OR1K1: variants seen among roughly 807,000 people sequenced by gnomAD.
OR1K1 encodes olfactory receptor 1K1.
For synonymous variants in OR1K1, 168 were observed against 178.2 expected, an observed-to-expected ratio of 0.94 and a Z score of 0.46; for missense variants, 409 against 407.9, an observed-to-expected ratio of 1.00 and a Z score of -0.02.
At position 122,800,945 on chromosome 9, in the gene OR1K1, G is replaced by C. The variant is rs756762365; in HGVS notation, c.823G>C (p.Ala275Pro). 9.3e-6 allele frequency: 15 copies of C among 1,614,052 alleles called. No individual in the cohort carries two copies. In the African/African-American group the frequency reaches 2.0e-4, roughly 22 times the overall value. ...SRREAEWGRV[A>P]TVMYTVVTPM... ...ACGCGAGGCAGAGTGGGGCCGTGTG[G>C]CCACTGTCATGTACACTGTAGTCAC... is the stretch of plus-strand genomic sequence containing the variant. The change falls in exon 1 of 1, where the codon GCC becomes CCC. Residue 275 changes from alanine to proline, a missense_variant. Transcript: ENST00000277309.
In OR1K1 at chr9:122,800,834, G is replaced by C. The variant is rs750534786; in HGVS notation, c.712G>C (p.Ala238Pro). 1 of 1,613,666 alleles carries C rather than the reference G, an allele frequency of 6.2e-7. No homozygotes were observed. The highest frequency in any genetic ancestry group is 1.3e-5 in the African/African-American group (1 of 75,048). ...QLPSASGRLR[A>P]VSTCGSHLAV... ...GCCCTCAGCCTCTGGGAGGCTCCGG[G>C]CTGTGTCCACCTGTGGCTCCCACCT... Residue 238 changes from alanine to proline, a missense_variant, in exon 1 of 1, where the codon GCT becomes CCT. By Grantham distance (27) the Ala-to-Pro change is conservative (BLOSUM62 -1). Transcript: ENST00000277309.
chr9:122,800,828 C>G lies in OR1K1; in HGVS notation c.706C>G (p.Leu236Val), dbSNP rs200021141. The change falls in exon 1 of 1, where the codon CTC becomes GTC. Residue 236 changes from leucine (L) to valine (V), a missense_variant. Transcript: ENST00000277309. Reference protein sequence around the residue: ...VLQLPSASGRLRAVSTCGSHL... With the variant: ...VLQLPSASGRVRAVSTCGSHL... ...CCAGCTGCCCTCAGCCTCTGGGAGG[C>G]TCCGGGCTGTGTCCACCTGTGGCTC... 221 of 1,613,724 alleles carry G rather than the reference C, an allele frequency of 1.4e-4. No individual in the cohort carries two copies. The highest frequency in any genetic ancestry group is 3.5e-4 in the Admixed American group (21 of 60,026).
chr9:122,800,921 C>T lies in OR1K1; in HGVS notation c.799C>T (p.Arg267Cys), dbSNP rs372142414. Residue 267 changes from arginine to cysteine, a missense_variant, in exon 1 of 1, where the codon CGC becomes TGC. Physicochemically the swap from Arg to Cys is radical, Grantham distance 180 (BLOSUM62 -3). Coordinates refer to ENST00000277309, the MANE Select transcript of OR1K1 (RefSeq NM_080859.1). ...IAVYFQATSR[R>C]EAEWGRVATV... The stretch of plus-strand genomic sequence containing the variant: ...AGTCTACTTCCAGGCCACATCCCGA[C>T]GCGAGGCAGAGTGGGGCCGTGTGGC... 4.6e-5 allele frequency: 75 copies of T among 1,614,046 alleles called. 1 individual carries two copies. Among genetic ancestry groups the T allele is most frequent in the South Asian group, 3.1e-4 (28 of 91,092 alleles).
rs1301423501 is a variant in OR1K1, at chr9:122,800,251, T to C, written c.129T>C (p.Asn43=). ...LLLYVASLLG[N]GLIVAAIQAS... ...TGTATGTGGCCAGCCTCCTGGGTAA[T>C]GGACTCATTGTGGCTGCCATCCAGG... The change falls in exon 1 of 1, where the codon AAT becomes AAC. Residue 43 remains asparagine (N), a synonymous_variant. Transcript: ENST00000277309. The C allele has an allele frequency of 2.5e-6, 4 of 1,614,192 alleles. No homozygotes were observed. The highest frequency in any genetic ancestry group is 2.7e-5 in the African/African-American group (2 of 75,034).
Position 122,800,137 on chromosome 9 carries a change from T to C in OR1K1, c.15T>C (p.Asn5=). 1 of 1,606,552 alleles carries C rather than the reference T, an allele frequency of 6.2e-7. No homozygotes were observed. Residue 5 remains asparagine, a synonymous_variant, in exon 1 of 1, where the codon AAT becomes AAC. Coordinates refer to ENST00000277309, the MANE Select transcript of OR1K1 (RefSeq NM_080859.1). ...ACCAGCCTGCCATGGAGGCTGCCAA[T>C]GAGTCTTCAGAGGGAATCTCATTCG... MEAA[N]ESSEGISFVL...
chr9:122,800,211 T>A lies in OR1K1; in HGVS notation c.89T>A (p.Val30Glu). ...TSPGQQRPLFVLFLLLYVASL... is the reference protein window; with the variant it reads ...TSPGQQRPLFELFLLLYVASL... The stretch of plus-strand genomic sequence containing the variant: ...CCTGGACAGCAGCGGCCTCTCTTTG[T>A]GCTGTTCTTGCTCTTGTATGTGGCC... Residue 30 changes from valine to glutamate, a missense_variant, in exon 1 of 1, where the codon GTG becomes GAG. By Grantham distance (121) the Val-to-Glu change is moderately radical. Coordinates refer to ENST00000277309, the MANE Select transcript of OR1K1 (RefSeq NM_080859.1). The A allele has an allele frequency of 6.2e-7, 1 of 1,614,214 alleles. No individual in the cohort carries two copies. The highest frequency in any genetic ancestry group is 8.5e-7 in the Non-Finnish European group (1 of 1,180,028).
Position 122,800,831 on chromosome 9 carries a change from C to T in OR1K1, c.709C>T (p.Arg237Trp), listed in dbSNP as rs147003720. 3.5e-4 allele frequency: 562 copies of T among 1,613,628 alleles called. 1 individual carries two copies. Among genetic ancestry groups the T allele is most frequent in the East Asian group, 1.4e-3 (65 of 44,876 alleles). ...LQLPSASGRL[R>W]AVSTCGSHLA... ...GCTGCCCTCAGCCTCTGGGAGGCTCCGGGCTGTGTCCACCTGTGGCTCCCA... is the reference window on the plus strand; with the variant it reads ...GCTGCCCTCAGCCTCTGGGAGGCTCTGGGCTGTGTCCACCTGTGGCTCCCA... The change falls in exon 1 of 1, where the codon CGG becomes TGG. Residue 237 changes from arginine to tryptophan, a missense_variant. Transcript: ENST00000277309.
chr9:122,800,970 C>A lies in OR1K1; in HGVS notation c.848C>A (p.Thr283Asn), dbSNP rs770156254. The A allele has an allele frequency of 1.9e-6, 3 of 1,614,096 alleles. No homozygotes were observed. Among genetic ancestry groups the A allele is most frequent in the South Asian group, 1.1e-5 (1 of 91,080 alleles). The change falls in exon 1 of 1, where the codon ACC becomes AAC. Residue 283 changes from threonine (T) to asparagine (N), a missense_variant. Transcript: ENST00000277309. ...GCCACTGTCATGTACACTGTAGTCA[C>A]CCCCATGCTGAACCCCATCATCTAC... ...RVATVMYTVVTPMLNPIIYSL... is the reference protein window; with the variant it reads ...RVATVMYTVVNPMLNPIIYSL...
chr9:122,800,127 A>G lies in OR1K1; in HGVS notation c.5A>G (p.Glu2Gly), dbSNP rs536803606. 3.1e-6 allele frequency: 5 copies of G among 1,596,706 alleles called. No homozygotes were observed. The African/African-American group carries it at 6.7e-5, about 21-fold the overall frequency. ...CAGGCGAATAACCAGCCTGCCATGG[A>G]GGCTGCCAATGAGTCTTCAGAGGGA... M[E>G]AANESSEGIS... Residue 2 changes from glutamate to glycine, a missense_variant, in exon 1 of 1, where the codon GAG (glutamate) becomes GGG (glycine). Coordinates refer to ENST00000277309, the MANE Select transcript of OR1K1 (RefSeq NM_080859.1).
chr9:122,800,193 A>C lies in OR1K1; in HGVS notation c.71A>C (p.Gln24Pro). 1 of 1,614,186 alleles carries C rather than the reference A, an allele frequency of 6.2e-7. No individual in the cohort carries two copies. Among genetic ancestry groups the C allele is most frequent in the Non-Finnish European group, 8.5e-7 (1 of 1,180,016 alleles). ...TTGGGACTGACAACAAGTCCTGGACAGCAGCGGCCTCTCTTTGTGCTGTTC... is the reference window on the plus strand; with the variant it reads ...TTGGGACTGACAACAAGTCCTGGACCGCAGCGGCCTCTCTTTGTGCTGTTC... Reference protein sequence around the residue: ...VLLGLTTSPGQQRPLFVLFLL... With the variant: ...VLLGLTTSPGPQRPLFVLFLL... Residue 24 changes from glutamine (Q) to proline (P), a missense_variant, in exon 1 of 1, where the codon CAG becomes CCG. Transcript: ENST00000277309.
chr9:122,800,673 C>G lies in OR1K1; in HGVS notation c.551C>G (p.Pro184Arg), dbSNP rs1359428649. The change falls in exon 1 of 1, where the codon CCT (proline) becomes CGT (arginine). Residue 184 changes from proline to arginine, a missense_variant. Physicochemically the swap from Pro to Arg is moderately radical, Grantham distance 103. Coordinates refer to ENST00000277309, the MANE Select transcript of OR1K1 (RefSeq NM_080859.1). ...QVPHFFCDHQ[P>R]LLRLSCSDTH... ...CCCCACTTCTTCTGTGACCACCAGCCTCTCTTAAGGCTCTCGTGCTCTGAC... is the reference window on the plus strand; with the variant it reads ...CCCCACTTCTTCTGTGACCACCAGCGTCTCTTAAGGCTCTCGTGCTCTGAC... The G allele has an allele frequency of 1.2e-6, 2 of 1,614,164 alleles. No homozygotes were observed. Among genetic ancestry groups the G allele is most frequent in the East Asian group, 2.2e-5 (1 of 44,876 alleles).
rs753500527 is a variant in OR1K1, at chr9:122,801,013, T to C, written c.891T>C (p.Asp297=). The change falls in exon 1 of 1, where the codon GAT becomes GAC. Residue 297 remains aspartate (D), a synonymous_variant. Transcript: ENST00000277309. The stretch of plus-strand genomic sequence containing the variant: ...TCATCTACAGCCTCTGGAATCGCGA[T>C]GTACAGGGGGCACTCCGAGCCCTTC... ...NPIIYSLWNR[D]VQGALRALLI... 1.9e-6 allele frequency: 3 copies of C among 1,613,840 alleles called. No homozygotes were observed. The highest frequency in any genetic ancestry group is 2.2e-5 in the East Asian group (1 of 44,892).
chr9:122,800,309 C>G lies in OR1K1; in HGVS notation c.187C>G (p.Leu63Val). The G allele has an allele frequency of 6.2e-7, 1 of 1,614,226 alleles. No homozygotes were observed. Among genetic ancestry groups the G allele is most frequent in the Non-Finnish European group, 8.5e-7 (1 of 1,180,024 alleles). The change falls in exon 1 of 1, where the codon CTG becomes GTG. Residue 63 changes from leucine to valine, a missense_variant. Transcript: ENST00000277309. ...SPALHAPMYF[L>V]LAHLSFADLC... The stretch of plus-strand genomic sequence containing the variant: ...AGCCCTTCATGCACCCATGTACTTC[C>G]TGCTGGCCCACCTGTCCTTTGCTGA...
At position 122,800,384 on chromosome 9, in the gene OR1K1, G is replaced by T. The variant is rs149288588; in HGVS notation, c.262G>T (p.Ala88Ser). ...TVPKMLANLL[A>S]HDHSISLAGC... ...GCCCAAGATGTTGGCCAACTTGTTGGCCCATGACCACTCCATCTCGCTGGC... is the reference window on the plus strand; with the variant it reads ...GCCCAAGATGTTGGCCAACTTGTTGTCCCATGACCACTCCATCTCGCTGGC... The change falls in exon 1 of 1, where the codon GCC becomes TCC. Residue 88 changes from alanine (A) to serine (S), a missense_variant. Transcript: ENST00000277309. 8.3e-4 allele frequency: 1,346 copies of T among 1,614,012 alleles called. 1 individual carries two copies. The highest frequency in any genetic ancestry group is 1.0e-3 in the Non-Finnish European group (1,201 of 1,180,036).
rs150392492 is a variant in OR1K1, at chr9:122,800,939, C to T, written c.817C>T (p.Arg273Cys). 88 of 1,614,176 alleles carry T rather than the reference C, an allele frequency of 5.5e-5. No individual in the cohort carries two copies. In the African/African-American group the frequency reaches 9.6e-4, roughly 18 times the overall value. The change falls in exon 1 of 1, where the codon CGT (arginine) becomes TGT (cysteine). Residue 273 changes from arginine (R) to cysteine (C), a missense_variant. Transcript: ENST00000277309. ...ATCCCGACGCGAGGCAGAGTGGGGC[C>T]GTGTGGCCACTGTCATGTACACTGT... ...ATSRREAEWG[R>C]VATVMYTVVT...
chr9:122,800,536 C>T lies in OR1K1; in HGVS notation c.414C>T (p.Ser138=). ...RHPLPYATRM[S]RAMCAALVGM... ...CCCTCCCCTATGCCACGAGGATGTC[C>T]CGGGCCATGTGCGCAGCCCTGGTGG... Residue 138 remains serine (S), a synonymous_variant, in exon 1 of 1, where the codon TCC becomes TCT. Coordinates refer to ENST00000277309, the MANE Select transcript of OR1K1 (RefSeq NM_080859.1). The T allele has an allele frequency of 1.2e-6, 2 of 1,612,718 alleles. No homozygotes were observed. Among genetic ancestry groups the T allele is most frequent in the Non-Finnish European group, 8.5e-7 (1 of 1,179,974 alleles).
Position 122,800,652 on chromosome 9 carries a change from A to G in OR1K1, c.530A>G (p.His177Arg). ...LSFCASHQVP[H>R]FFCDHQPLLR... Reference sequence around the variant, plus strand: ...TTCTGTGCTTCCCACCAAGTGCCCCACTTCTTCTGTGACCACCAGCCTCTC... The same window carrying G: ...TTCTGTGCTTCCCACCAAGTGCCCCGCTTCTTCTGTGACCACCAGCCTCTC... The change falls in exon 1 of 1, where the codon CAC becomes CGC. Residue 177 changes from histidine (H) to arginine (R), a missense_variant. Coordinates refer to ENST00000277309, the MANE Select transcript of OR1K1 (RefSeq NM_080859.1). 3 of 1,613,544 alleles carry G rather than the reference A, an allele frequency of 1.9e-6. No individual in the cohort carries two copies. In the South Asian group the frequency reaches 3.3e-5, roughly 18 times the overall value.
chr9:122,800,154 T>C lies in OR1K1; in HGVS notation c.32T>C (p.Ile11Thr). The C allele has an allele frequency of 6.2e-7, 1 of 1,612,404 alleles. No individual in the cohort carries two copies. Among genetic ancestry groups the C allele is most frequent in the Non-Finnish European group, 8.5e-7 (1 of 1,178,960 alleles). The change falls in exon 1 of 1, where the codon ATC becomes ACC. Residue 11 changes from isoleucine (I) to threonine (T), a missense_variant. Physicochemically the swap from Ile to Thr is moderately conservative, Grantham distance 89. Transcript: ENST00000277309. ...GCTGCCAATGAGTCTTCAGAGGGAA[T>C]CTCATTCGTTTTATTGGGACTGACA... is the stretch of plus-strand genomic sequence containing the variant. MEAANESSEG[I>T]SFVLLGLTTS...
rs1480531307 is a variant in OR1K1 at position 122,800,303 on chromosome 9, T to C, written c.181T>C (p.Tyr61His). 6.2e-7 allele frequency: 1 copy of C among 1,614,206 alleles called. No homozygotes were observed. The highest frequency in any genetic ancestry group is 8.5e-7 in the Non-Finnish European group (1 of 1,180,022). ...CAGTCCAGCCCTTCATGCACCCATG[T>C]ACTTCCTGCTGGCCCACCTGTCCTT... ...QASPALHAPM[Y>H]FLLAHLSFAD... The change falls in exon 1 of 1, where the codon TAC becomes CAC. Residue 61 changes from tyrosine (Y) to histidine (H), a missense_variant. Coordinates refer to ENST00000277309, the MANE Select transcript of OR1K1 (RefSeq NM_080859.1).
Sources: allele counts gnomAD v4.1 joint callset, GRCh38; gene constraint gnomAD v4.1.1; transcripts MANE v1.5; gene names NCBI Gene and HGNC (gene_info 2026-07-23, HGNC 2026-07-21).